CERS5: variants seen among roughly 807,000 people sequenced by gnomAD.
The protein encoded by CERS5 is LAG1 homolog, ceramide synthase 5.
CERS5 carries 37 observed loss-of-function variants against 58.9 expected under a neutral mutation model. That is an observed-to-expected ratio of 0.63 (90% CI 0.48 to 0.83). CERS5 has a LOEUF of 0.83. Among genes scored for constraint, CERS5 ranks in the 40% least tolerant of loss-of-function variants. The pLI, the probability that CERS5 is intolerant of heterozygous loss-of-function variation, is 0.00. For missense variants in CERS5, 398 were observed against 489.3 expected (o/e 0.81, Z 1.76); for synonymous variants, 147 against 177.8 (o/e 0.83, Z 1.38).
At chr12:50,144,236 T>G in intron 1 of CERS5, 179 bp from the exon 2 acceptor site, 1 of 510,068 alleles carries the variant, frequency 2.0e-6, no homozygotes. Flanking sequence ...ATCACTTCTT[T>G]AGGGTGACAA....
At chr12:50,148,044 T>G (rs1952393499) in intron 1 of CERS5, among the ~76,000 whole-genome samples, 1 of 152,126 alleles carries the variant, frequency 6.6e-6, no homozygotes, top group Non-Finnish European at 1.5e-5. Flanking sequence ...GGCTAATGCC[T>G]GTTATCCTAG....
intron 9 of CERS5, 60 bp from the exon 10 acceptor site, chr12:50,130,754 C>A: frequency 6.8e-7 from 1 of 1,477,192 alleles, no homozygotes; most frequent in Non-Finnish European, 9.2e-7. Flanking sequence ...CACCTAAGCT[C>A]AGAGACCCAG....
At chr12:50,138,008 C>A (rs1399107794) in intron 5 of CERS5, among the ~76,000 whole-genome samples, 188 bp from the exon 6 acceptor site, 2 of 152,148 alleles carry the variant, frequency 1.3e-5, no homozygotes, top group Non-Finnish European at 2.9e-5. Context: ...TTCCCTTGCT[C>A]CTCTGCACAC....
chr12:50,133,859 G>T, intron 9 of CERS5: 1 of 657,556 alleles, frequency 1.5e-6, no homozygotes, highest in Non-Finnish European at 1.9e-6. Context: ...AGATCACAAG[G>T]TCGGGAGTTA....
chr12:50,164,053 C>T (rs1051648358), intron 1 of CERS5, among the ~76,000 whole-genome samples: 7 of 151,050 alleles, frequency 4.6e-5, no homozygotes, highest in Non-Finnish European at 5.9e-5. Context: ...TCTGCCTCTC[C>T]AACTCAAGCA....
In CERS5 at chr12:50,137,749, C is replaced by T; in HGVS notation, c.615G>A (p.Gln205=). The change falls in exon 6 of 10, where the codon CAG becomes CAA. Residue 205 remains glutamine (Q), a synonymous_variant. Transcript: ENST00000317551. ...TTACCTTTCTTTTAATGTCTGTAAA[C>T]TGAGAAAACATAAGGGACCAATAGA... The part of the protein sequence containing the change: ...LAFYWSLMFS[Q]FTDIKRKDFL... The T allele has an allele frequency of 6.2e-7, 1 of 1,604,630 alleles. No homozygotes were observed. Among genetic ancestry groups the T allele is most frequent in the Non-Finnish European group, 8.5e-7 (1 of 1,172,620 alleles).
At chr12:50,164,908 G>A (rs1939698643) in intron 1 of CERS5, 6 of 152,012 alleles carry the variant, frequency 3.9e-5, no homozygotes, top group Admixed American at 2.6e-4. Flanking sequence ...TATATGAAAA[G>A]CAGAGATGTT....
rs189626908 is a variant in CERS5, at chr12:50,162,611, T to C, written c.197+4490A>G. Among the ~76,000 whole-genome samples the C allele has an allele frequency of 5.5e-4, 81 of 148,408 alleles. No homozygotes were observed. In the East Asian group the frequency reaches 0.013, roughly 24 times the overall value. On this transcript the variant is annotated intron_variant, in intron 1 of 9. Transcript: ENST00000317551. ...TACCTCTTTATCTCTCTCTCTCTCT[T>C]TTTTTTTTTTGTGATAGAGTCTTGC...
chr12:50,161,939 A>C (rs912846559), intron 1 of CERS5, among the ~76,000 whole-genome samples: 1 of 119,220 alleles, frequency 8.4e-6, no homozygotes, highest in African/African-American at 3.3e-5. Context: ...CAGTGGCATG[A>C]TCTCAGCTCA....
At chr12:50,144,798 G>A (rs1166735130) in intron 1 of CERS5, 4 of 1,528,808 alleles carry the variant, frequency 2.6e-6, no homozygotes, top group Non-Finnish European at 2.6e-6. Context: ...TCATCTAAAA[G>A]AAGAGGTTAT....
chr12:50,139,532 G>A (rs977426814), intron 4 of CERS5, among the ~76,000 whole-genome samples: 4 of 150,822 alleles, frequency 2.7e-5, no homozygotes, highest in East Asian at 3.9e-4. Flanking sequence ...GGTGGCTCAC[G>A]CCTGTAATCC....
rs568259841 is a variant in CERS5 at position 50,155,629 on chromosome 12, C to T, written c.197+11472G>A. Among the ~76,000 whole-genome samples, 13 of 148,622 alleles carry T rather than the reference C, an allele frequency of 8.7e-5. No homozygotes were observed. The South Asian group carries it at 2.6e-3, about 30-fold the overall frequency. ...GCAGGCGCCTGTAGTCACAGCTACT[C>T]GGGAGGCTGAGGCAGGAGAATGGCG... On this transcript the variant is annotated intron_variant, in intron 1 of 9. Coordinates refer to ENST00000317551, the MANE Select transcript of CERS5 (RefSeq NM_147190.5).
chr12:50,148,077 T>C (rs532095688), intron 1 of CERS5, among the ~76,000 whole-genome samples: 3 of 151,656 alleles, frequency 2.0e-5, no homozygotes, highest in Non-Finnish European at 2.9e-5. Context: ...CTGAGACAGG[T>C]GGATCACTTG....
intron 1 of CERS5, among the ~76,000 whole-genome samples, chr12:50,148,868 G>A (rs972724761): frequency 7.5e-6 from 1 of 134,126 alleles, no homozygotes; most frequent in South Asian, 2.4e-4. Flanking sequence ...TTGCGCTACT[G>A]CACTCCAGTT....
intron 4 of CERS5, among the ~76,000 whole-genome samples, chr12:50,139,906 A>G (rs896998600): frequency 6.6e-6 from 1 of 152,086 alleles, no homozygotes; most frequent in African/African-American, 2.4e-5. Flanking sequence ...GGGTCTCACT[A>G]TAGAGACTGG....
At chr12:50,149,336 G>A (rs1415667506) in intron 1 of CERS5, among the ~76,000 whole-genome samples, 3 of 152,136 alleles carry the variant, frequency 2.0e-5, no homozygotes, top group Non-Finnish European at 4.4e-5. Flanking sequence ...CACGAGTCTA[G>A]TGACCCATCC....
chr12:50,144,864 G>C lies in CERS5; in HGVS notation c.198-807C>G, dbSNP rs1388294421. 7.2e-6 allele frequency: 9 copies of C among 1,256,700 alleles called. No homozygotes were observed. The Admixed American group carries it at 2.1e-4, about 29-fold the overall frequency. The allele number at this position is 1,256,700 out of a possible 1,614,324, so 77.8% of individuals were successfully genotyped here. A position where few individuals can be genotyped will look rare whatever the true frequency, so the allele number is the denominator to read the frequency against. ...TAAAAAGAATAAAAAAGCCGGGCGT[G>C]GTGGCTCACGCCTGTAATCCCAGCA... On this transcript the variant is annotated intron_variant, in intron 1 of 9. Coordinates refer to ENST00000317551, the MANE Select transcript of CERS5 (RefSeq NM_147190.5).
At chr12:50,144,989 T>G in intron 1 of CERS5, 1 of 303,108 alleles carries the variant, frequency 3.3e-6, no homozygotes, top group South Asian at 4.5e-5. Context: ...CAAAAAAAAA[T>G]TATCTGGGCG....
rs1592375488 is a variant in CERS5 at position 50,144,899 on chromosome 12, G to A, written c.198-842C>T. ...GCCTGTAATCCCAGCACTTTGGGAG[G>A]CTGAGGCAGGAGGATCACAAGGTCA... On this transcript the variant is annotated intron_variant, in intron 1 of 9. Transcript: ENST00000317551. 2.5e-5 allele frequency: 17 copies of A among 682,114 alleles called. No homozygotes were observed. In the East Asian group the frequency reaches 5.1e-4, roughly 21 times the overall value. 42.3% of individuals were successfully genotyped at this position (682,114 alleles called of 1,614,324 possible).
Sources: gnomAD v4.1 joint callset for allele counts (sites outside exome capture counted in the v4.1 genomes callset) on GRCh38, gnomAD v4.1.1 for gene constraint, MANE v1.5 for transcripts, NCBI Gene and HGNC (gene_info 2026-07-23, HGNC 2026-07-21) for gene names.